Variants in DKK2 observed in about 807,000 individuals in gnomAD.
DKK2 encodes the protein dickkopf-related protein 2.
DKK2 carries 11 observed loss-of-function variants against 28.1 expected under a neutral mutation model. The observed-to-expected ratio is 0.39, with a 90% CI of 0.25 to 0.65. The LOEUF is 0.65. Ranked by LOEUF, DKK2 falls within the 30% of genes least tolerant of loss-of-function variation. The pLI, the probability that DKK2 is intolerant of heterozygous loss-of-function variation, is 0.47. For missense variants in DKK2, 326 were observed against 335.5 expected (o/e 0.97, Z 0.22); for synonymous variants, 135 against 126.5 (o/e 1.07, Z -0.45).
chr4:106,991,593 G>T (rs2110361846), intron 1 of DKK2, among the ~76,000 whole-genome samples: 1 of 152,196 alleles, frequency 6.6e-6, no homozygotes, highest in South Asian at 2.1e-4. Flanking sequence ...TCCTATATGA[G>T]CACATCCATG....
At chr4:106,968,989 T>C (rs1722823173) in intron 1 of DKK2, among the ~76,000 whole-genome samples, 1 of 152,130 alleles carries the variant, frequency 6.6e-6, no homozygotes, top group Admixed American at 6.6e-5. Context: ...TTTATAGGCA[T>C]GCGGAAAGTA....
intron 1 of DKK2, among the ~76,000 whole-genome samples, chr4:106,963,851 C>A (rs1358984596): frequency 6.6e-6 from 1 of 152,146 alleles, no homozygotes; most frequent in East Asian, 1.9e-4. Context: ...CTACCAAACA[C>A]TAGATTTTAT....
At chr4:106,984,429 G>T (rs1723087176) in intron 1 of DKK2, among the ~76,000 whole-genome samples, 1 of 152,110 alleles carries the variant, frequency 6.6e-6, no homozygotes, top group Non-Finnish European at 1.5e-5. Flanking sequence ...GCTTATGAGT[G>T]GAATCATGCA....
chr4:106,999,640 C>A (rs557229004), intron 1 of DKK2, among the ~76,000 whole-genome samples: 5 of 152,308 alleles, frequency 3.3e-5, no homozygotes, highest in Admixed American at 6.5e-5. Context: ...CCACCGTGCC[C>A]GGCCCTGTAT....
At chr4:106,927,187 A>G (rs1189430376) in intron 1 of DKK2, among the ~76,000 whole-genome samples, 1 of 152,188 alleles carries the variant, frequency 6.6e-6, no homozygotes, top group African/African-American at 2.4e-5. Context: ...TCAGTGCTTT[A>G]CTTATGAATT....
At chr4:106,970,906 A>G (rs1384315697) in intron 1 of DKK2, among the ~76,000 whole-genome samples, 1 of 152,130 alleles carries the variant, frequency 6.6e-6, no homozygotes, top group Non-Finnish European at 1.5e-5. Flanking sequence ...AGGACTAGAG[A>G]GGTGAAGTTT....
At chr4:106,938,637 A>G (rs1055117393) in intron 1 of DKK2, among the ~76,000 whole-genome samples, 1 of 152,216 alleles carries the variant, frequency 6.6e-6, no homozygotes, top group Non-Finnish European at 1.5e-5. Flanking sequence ...CTGATACCAA[A>G]GCCAGGCAGA....
rs1723954505 is a variant in DKK2 at position 107,035,675 on chromosome 4, C to T, written c.-84G>A. 5 of 1,461,882 alleles carry T rather than the reference C, an allele frequency of 3.4e-6. No individual in the cohort carries two copies. Among genetic ancestry groups the T allele is most frequent in the Non-Finnish European group, 4.7e-6 (5 of 1,063,030 alleles). The allele number at this position is 1,461,882 out of a possible 1,614,324, so 90.6% of individuals were successfully genotyped here. On this transcript the variant is annotated 5_prime_UTR_variant, in exon 1 of 4. Coordinates refer to ENST00000285311, the MANE Select transcript of DKK2 (RefSeq NM_014421.3). ...GAGGGAGGACCCCAACACGGGGCCC[C>T]TCACTTGGGTCGCGGGGGCTTGCAG...
chr4:106,964,895 A>C (rs1722744507), intron 1 of DKK2, among the ~76,000 whole-genome samples: 1 of 152,062 alleles, frequency 6.6e-6, no homozygotes. Flanking sequence ...TTTCTTAAAC[A>C]ACATGATAGA....
At chr4:107,029,276 T>C (rs976892160) in intron 1 of DKK2, among the ~76,000 whole-genome samples, 26 of 152,170 alleles carry the variant, frequency 1.7e-4, no homozygotes, top group African/African-American at 6.3e-4. Context: ...AGCAGGTGGT[T>C]TGATATATGG....
chr4:107,032,009 T>C (rs1302057735), intron 1 of DKK2, among the ~76,000 whole-genome samples: 1 of 152,030 alleles, frequency 6.6e-6, no homozygotes, highest in African/African-American at 2.4e-5. Context: ...TCCTTAGAAA[T>C]TGACATATAT....
intron 1 of DKK2, among the ~76,000 whole-genome samples, chr4:106,983,278 GAA>G (rs1286558586): frequency 1.4e-5 from 2 of 142,768 alleles, no homozygotes; most frequent in Admixed American, 7.2e-5. Flanking sequence ...ATTACAGAGA[GAA>G]AGAGAGAAGA....
At chr4:106,931,217 G>A (rs1030238752) in intron 1 of DKK2, among the ~76,000 whole-genome samples, 8 of 152,096 alleles carry the variant, frequency 5.3e-5, no homozygotes, top group Non-Finnish European at 1.2e-4. Flanking sequence ...GGGGGATTGA[G>A]CTATATTAAA....
At chr4:106,960,145 T>C (rs1182739276) in intron 1 of DKK2, among the ~76,000 whole-genome samples, 3 of 149,638 alleles carry the variant, frequency 2.0e-5, no homozygotes, top group African/African-American at 4.9e-5. Flanking sequence ...CACACACATA[T>C]ATATACATAT....
intron 1 of DKK2, among the ~76,000 whole-genome samples, chr4:106,970,471 C>G: frequency 6.6e-6 from 1 of 152,054 alleles, no homozygotes; most frequent in East Asian, 1.9e-4. Context: ...AGAGTAAGTA[C>G]TCAACAATAG....
intron 1 of DKK2, among the ~76,000 whole-genome samples, chr4:106,980,649 A>G (rs1723014017): frequency 6.6e-6 from 1 of 152,156 alleles, no homozygotes; most frequent in South Asian, 2.1e-4. Context: ...AAGATAATAC[A>G]TGCTGAATTC....
chr4:107,011,175 G>A lies in DKK2; in HGVS notation c.222+24195C>T, dbSNP rs764724775. 4.0e-5 allele frequency among the ~76,000 whole-genome samples: 6 copies of A among 151,494 alleles called. No individual in the cohort carries two copies. The Middle Eastern group carries it at 0.01, about 259-fold the overall frequency. On this transcript the variant is annotated intron_variant, in intron 1 of 3. Transcript: ENST00000285311. ...CTACAACAAAACTTGACAGATGGTA[G>A]TTTCTTAAAATTTAGTTGCAATATG...
At chr4:106,933,596 G>T (rs573488131) in intron 1 of DKK2, among the ~76,000 whole-genome samples, 2 of 152,042 alleles carry the variant, frequency 1.3e-5, no homozygotes, top group Non-Finnish European at 2.9e-5. Context: ...CTGGCAATGC[G>T]CAAACTTTGC....
At chr4:107,031,786 T>C (rs1356018209) in intron 1 of DKK2, among the ~76,000 whole-genome samples, 1 of 152,040 alleles carries the variant, frequency 6.6e-6, no homozygotes, top group Non-Finnish European at 1.5e-5. Flanking sequence ...CAAAGGTTTT[T>C]CATTCACACA....
Sources: gnomAD v4.1 joint callset for allele counts (sites outside exome capture counted in the v4.1 genomes callset) on GRCh38, gnomAD v4.1.1 for gene constraint, MANE v1.5 for transcripts, NCBI Gene and HGNC (gene_info 2026-07-23, HGNC 2026-07-21) for gene names.